Variants in UBE3B observed in about 807,000 individuals in gnomAD.
UBE3B encodes ubiquitin protein ligase E3B, also known as ubiquitin-protein ligase E3B.
Under a neutral mutation model 132.3 loss-of-function variants are expected in UBE3B, and 80 were observed. The ratio of observed to expected loss-of-function variants is 0.60; its 90% CI spans 0.50 to 0.73. UBE3B has a LOEUF of 0.73. Ranked by LOEUF, UBE3B falls within the 30% of genes least tolerant of loss-of-function variation. The pLI is 0.00. For synonymous variants in UBE3B, 487 were observed against 520.4 expected (o/e 0.94, Z 0.87); for missense variants, 1,196 against 1,362.5 (o/e 0.88, Z 1.92).
At chr12:109,496,624 C>T (rs886459723) in intron 9 of UBE3B, among the ~76,000 whole-genome samples, 2 of 152,170 alleles carry the variant, frequency 1.3e-5, no homozygotes, top group African/African-American at 2.4e-5. Context: ...ATTTACAATT[C>T]CCTGGTAGTT....
rs555222003 is a variant in UBE3B, at chr12:109,486,509, C to T, written c.381C>T (p.Thr127=). The change falls in exon 6 of 28, where the codon ACC becomes ACT. Residue 127 remains threonine (T), a synonymous_variant. Transcript: ENST00000342494. ...YVSLACSKDL[T]LLWIQQIKNI... is the part of the protein sequence containing the mutation. ...CCCTGGCTTGTTCTAAGGACCTCACCCTCCTTTGGATTCAACAGATCAAGA... is the reference window on the plus strand; with the variant it reads ...CCCTGGCTTGTTCTAAGGACCTCACTCTCCTTTGGATTCAACAGATCAAGA... 16 of 1,611,450 alleles carry T rather than the reference C, an allele frequency of 9.9e-6. No individual in the cohort carries two copies. The highest frequency in any genetic ancestry group is 1.1e-5 in the South Asian group (1 of 90,990).
intron 17 of UBE3B, 105 bp from the exon 18 acceptor site, chr12:109,511,099 C>A: frequency 3.1e-6 from 3 of 963,664 alleles, no homozygotes; most frequent in Non-Finnish European, 4.8e-6. Context: ...TCTTGAGAAA[C>A]AGACAGCACC....
At chr12:109,502,948 T>C in intron 13 of UBE3B, 75 bp from the exon 14 acceptor site, 1 of 1,573,926 alleles carries the variant, frequency 6.4e-7, no homozygotes, top group South Asian at 1.1e-5. Context: ...TTTACTGAAA[T>C]GCTCTTCCTT....
At chr12:109,496,034 A>G (rs2135887113) in intron 9 of UBE3B, among the ~76,000 whole-genome samples, 1 of 152,358 alleles carries the variant, frequency 6.6e-6, no homozygotes, top group East Asian at 1.9e-4. Flanking sequence ...TATCACCCTG[A>G]AAAGAAACCT....
chr12:109,540,870 C>A (rs138123808), downstream of UBE3B, among the ~76,000 whole-genome samples: 921 of 152,354 alleles, frequency 6.0e-3, 17 homozygotes, highest in African/African-American at 0.021. Context: ...CAGAAGCTGG[C>A]AGACCAGCTC....
the UBE3B span, among the ~76,000 whole-genome samples, chr12:109,545,506 T>G: frequency 6.6e-6 from 1 of 152,174 alleles, no homozygotes; most frequent in East Asian, 1.9e-4. Flanking sequence ...TGATGCCCAC[T>G]CAAGTGGGGA....
intron 26 of UBE3B, among the ~76,000 whole-genome samples, chr12:109,532,551 G>A (rs1449865853): frequency 2.0e-5 from 3 of 152,236 alleles, no homozygotes; most frequent in African/African-American, 7.2e-5. Context: ...AGAGAAGGGA[G>A]AACATTCTTG....
chr12:109,512,063 G>A (rs1379098975), intron 18 of UBE3B, among the ~76,000 whole-genome samples: 1 of 152,112 alleles, frequency 6.6e-6, no homozygotes, highest in Non-Finnish European at 1.5e-5. Flanking sequence ...ACATGGCGGC[G>A]AGTTCAGCAT....
intron 13 of UBE3B, 73 bp from the exon 14 acceptor site, chr12:109,502,950 C>G: frequency 6.3e-7 from 1 of 1,585,812 alleles, no homozygotes; most frequent in Non-Finnish European, 8.6e-7. Context: ...TACTGAAATG[C>G]TCTTCCTTTT....
chr12:109,524,309 T>C (rs971331551), intron 22 of UBE3B, 129 bp from the exon 23 acceptor site: 1 of 1,384,646 alleles, frequency 7.2e-7, no homozygotes, highest in Admixed American at 1.9e-5. Context: ...CGAATGACTT[T>C]CTTTGCGTCA....
At chr12:109,524,204 T>C in intron 22 of UBE3B, 89 bp downstream of exon 22, 2 of 1,556,028 alleles carry the variant, frequency 1.3e-6, no homozygotes, top group Non-Finnish European at 1.7e-6. Context: ...CTGTCCTCTC[T>C]TATTGCTGTT....
chr12:109,530,733 C>T lies in UBE3B; in HGVS notation c.2922+75C>T, dbSNP rs534314918. ...GAAGGCCAGTTGATGTAATAATTTA[C>T]GCTGAAGAAACTGAAATTATCAGGA... is the stretch of plus-strand genomic sequence containing the variant. On this transcript the variant is annotated intron_variant, in intron 26 of 27. Coordinates refer to ENST00000342494, the MANE Select transcript of UBE3B (RefSeq NM_130466.4). 5.8e-5 allele frequency: 82 copies of T among 1,421,688 alleles called. No homozygotes were observed. The East Asian group carries it at 8.1e-4, about 14-fold the overall frequency. The allele number at this position is 1,421,688 out of a possible 1,614,324, so 88.1% of individuals were successfully genotyped here. A position where few individuals can be genotyped will look rare whatever the true frequency, so the allele number is the denominator to read the frequency against.
downstream of UBE3B, among the ~76,000 whole-genome samples, chr12:109,536,887 G>A (rs529018925): frequency 1.3e-5 from 2 of 152,306 alleles, no homozygotes; most frequent in East Asian, 3.9e-4. Flanking sequence ...GCTTCCAATT[G>A]TGTTTCAAGA....
intron 2 of UBE3B, among the ~76,000 whole-genome samples, chr12:109,483,161 A>G (rs1205663774): frequency 6.6e-6 from 1 of 152,230 alleles, no homozygotes; most frequent in African/African-American, 2.4e-5. Context: ...GAAAATTCAA[A>G]TATCTGGGAA....
rs560457462 is a variant in UBE3B at position 109,484,669 on chromosome 12, C to T, written c.282+688C>T. Among the ~76,000 whole-genome samples the T allele has an allele frequency of 2.6e-5, 4 of 151,614 alleles. No homozygotes were observed. In the South Asian group the frequency reaches 6.3e-4, roughly 24 times the overall value. ...CCTCCCAGAGTGCTGGGATTACAGGCGTGAGCCACTGTACCCAGCCTCTGA... is the reference window on the plus strand; with the variant it reads ...CCTCCCAGAGTGCTGGGATTACAGGTGTGAGCCACTGTACCCAGCCTCTGA... On this transcript the variant is annotated intron_variant, in intron 4 of 27. Transcript: ENST00000342494.
At chr12:109,515,890 G>A (rs1355741019) in intron 18 of UBE3B, among the ~76,000 whole-genome samples, 1 of 152,208 alleles carries the variant, frequency 6.6e-6, no homozygotes, top group Admixed American at 6.5e-5. Context: ...CTTTCAAGCA[G>A]TAATTGAGAA....
In UBE3B at chr12:109,534,147, C is replaced by T; in HGVS notation, c.3016-444C>T. 1 of 1,288,824 alleles carries T rather than the reference C, an allele frequency of 7.8e-7. No individual in the cohort carries two copies. Among genetic ancestry groups the T allele is most frequent in the Non-Finnish European group, 1.0e-6 (1 of 991,820 alleles). 79.8% of individuals were successfully genotyped at this position (1,288,824 alleles called of 1,614,324 possible). On this transcript the variant is annotated intron_variant, in intron 27 of 27. Transcript: ENST00000342494. The surrounding 1 kb of genome is among the most constrained non-coding windows in gnomAD (Gnocchi z 5.2). The stretch of plus-strand genomic sequence containing the variant: ...ATGCAGTTTGAGCCCGTGATGCCAC[C>T]TTGTACAGGAAGCTACACAGTCCTC...
chr12:109,485,952 T>G (rs1876355355), intron 4 of UBE3B, 60 bp from the exon 5 acceptor site: 1 of 1,545,318 alleles, frequency 6.5e-7, no homozygotes, highest in Non-Finnish European at 8.7e-7. Flanking sequence ...GCTTGTTTTC[T>G]TTGTTTTCAC....
chr12:109,528,528 C>T (rs1222640169), intron 24 of UBE3B: 12 of 981,668 alleles, frequency 1.2e-5, no homozygotes, highest in African/African-American at 3.5e-5. Flanking sequence ...GAGAGTCATA[C>T]GTGGGCCGGG....
Sources: gnomAD v4.1 joint callset for allele counts (sites outside exome capture counted in the v4.1 genomes callset) on GRCh38, gnomAD v4.1.1 for gene constraint, Gnocchi (gnomAD v3.1) non-coding constraint, MANE v1.5 for transcripts, NCBI Gene and HGNC (gene_info 2026-07-23, HGNC 2026-07-21) for gene names.